PPP4R3B: variants seen among roughly 807,000 people sequenced by gnomAD.
PPP4R3B encodes serine/threonine-protein phosphatase 4 regulatory subunit 3B.
Under a neutral mutation model 95.4 loss-of-function variants are expected in PPP4R3B, and 52 were observed. That is an observed-to-expected ratio of 0.54 (90% confidence interval 0.44 to 0.69). The LOEUF is 0.69. Ranked by LOEUF, PPP4R3B falls within the 30% of genes least tolerant of loss-of-function variation. The pLI, the probability that PPP4R3B is intolerant of heterozygous loss-of-function variation, is 0.00. For synonymous variants in PPP4R3B, 407 were observed against 343.9 expected (o/e 1.18, Z -2.03); for missense variants, 1,003 against 1,005.9 (o/e 1.00, Z 0.04).
chr2:55,607,394 G>A (rs569094410), intron 2 of PPP4R3B, among the ~76,000 whole-genome samples: 2 of 152,170 alleles, frequency 1.3e-5, no homozygotes, highest in African/African-American at 2.4e-5. Flanking sequence ...CCAACCAAAC[G>A]GCTATAAATC....
chr2:55,566,491 T>C (rs1427629986), intron 13 of PPP4R3B, among the ~76,000 whole-genome samples: 1 of 152,186 alleles, frequency 6.6e-6, no homozygotes, highest in Non-Finnish European at 1.5e-5. Flanking sequence ...AGCAGTACAA[T>C]GGGAACTAGT....
At chr2:55,569,190 G>C (rs1687665310) in intron 12 of PPP4R3B, among the ~76,000 whole-genome samples, 1 of 152,160 alleles carries the variant, frequency 6.6e-6, no homozygotes, top group Admixed American at 6.5e-5. Flanking sequence ...AGGGCCACCA[G>C]AGGGCTCCTT....
chr2:55,579,518 C>A (rs62165199), intron 9 of PPP4R3B, among the ~76,000 whole-genome samples, 161 bp downstream of exon 9: 1 of 151,936 alleles, frequency 6.6e-6, no homozygotes, highest in Non-Finnish European at 1.5e-5. Context: ...ACTTCCATAA[C>A]CTTAAGAAAC....
rs1008485261 is a variant in PPP4R3B at position 55,579,664 on chromosome 2, A to G, written c.1468+15T>C. The G allele has an allele frequency of 6.6e-7, 1 of 1,514,638 alleles. No homozygotes were observed. The allele number at this position is 1,514,638 out of a possible 1,614,324, so 93.8% of individuals were successfully genotyped here. Reference sequence around the variant, plus strand: ...TAAAAACAGAAATCACAGCAGATAAATAAAGAGACCCTACCCTTTTCACAT... The same window carrying G: ...TAAAAACAGAAATCACAGCAGATAAGTAAAGAGACCCTACCCTTTTCACAT... On this transcript the variant is annotated intron_variant, in intron 9 of 16. Transcript: ENST00000616407.
At position 55,617,173 on chromosome 2, in the gene PPP4R3B, A is replaced by G. The variant is rs1412762668; in HGVS notation, c.113T>C (p.Met38Thr). ...SSTYVEELKG[M>T]SLLVRAESDG... is the part of the protein sequence containing the mutation. The stretch of plus-strand genomic sequence containing the variant: ...GGACTCTGCCCGAACCAGCAGCGAC[A>G]TCCCCTTGAGCTCCTCCACGTAAGT... Residue 38 changes from methionine (M) to threonine (T), a missense_variant, in exon 1 of 17, where the codon ATG becomes ACG. Transcript: ENST00000616407. 2 of 1,613,276 alleles carry G rather than the reference A, an allele frequency of 1.2e-6. No individual in the cohort carries two copies. The highest frequency in any genetic ancestry group is 1.3e-5 in the African/African-American group (1 of 74,858).
At chr2:55,561,685 C>A (rs1372413447) in intron 15 of PPP4R3B, among the ~76,000 whole-genome samples, 1 of 152,230 alleles carries the variant, frequency 6.6e-6, no homozygotes, top group Non-Finnish European at 1.5e-5. Context: ...TTAAAGACTG[C>A]CCTGCTGGGC....
intron 3 of PPP4R3B, among the ~76,000 whole-genome samples, chr2:55,601,725 G>C (rs754081208): frequency 2.6e-5 from 4 of 152,140 alleles, no homozygotes; most frequent in Non-Finnish European, 5.9e-5. Flanking sequence ...TAATGTGCTA[G>C]AATCTACCAA....
At chr2:55,594,813 A>G (rs2104405850) in intron 4 of PPP4R3B, among the ~76,000 whole-genome samples, 1 of 152,304 alleles carries the variant, frequency 6.6e-6, no homozygotes, top group East Asian at 1.9e-4. Context: ...AGAACCTGAT[A>G]TGTACATCTA....
chr2:55,588,911 C>T lies in PPP4R3B; in HGVS notation c.967G>A (p.Glu323Lys). Residue 323 changes from glutamate (E) to lysine (K), a missense_variant, in exon 5 of 17, where the codon GAG becomes AAG. By Grantham distance (56) the Glu-to-Lys change is moderately conservative (BLOSUM62 1). Coordinates refer to ENST00000616407, the MANE Select transcript of PPP4R3B (RefSeq NM_001122964.3). ...CGCCGTTTATCATCATCTGTAGCCT[C>T]ATCTGTTAATTGTGCAAAAACTTCA... Reference protein sequence around the residue: ...LSEVFAQLTDEATDDDKRREL... With the variant: ...LSEVFAQLTDKATDDDKRREL... 1.2e-6 allele frequency: 2 copies of T among 1,610,844 alleles called. No homozygotes were observed. Among genetic ancestry groups the T allele is most frequent in the Admixed American group, 1.7e-5 (1 of 59,874 alleles).
At chr2:55,559,017 T>C (rs747400701) in intron 15 of PPP4R3B, 49 bp from the exon 16 acceptor site, 96 of 1,423,006 alleles carry the variant, frequency 6.7e-5, no homozygotes, top group Non-Finnish European at 9.2e-5. Context: ...TACTGCTAAG[T>C]CAAAACATCT....
intron 2 of PPP4R3B, among the ~76,000 whole-genome samples, chr2:55,613,635 A>G (rs1318283933): frequency 2.0e-5 from 3 of 152,160 alleles, no homozygotes; most frequent in Non-Finnish European, 4.4e-5. Context: ...TATTTTAAAT[A>G]CAAACCTACT....
intron 11 of PPP4R3B, 111 bp from the exon 12 acceptor site, chr2:55,573,888 T>C (rs1242601864): frequency 2.6e-6 from 1 of 387,246 alleles, no homozygotes; most frequent in East Asian, 1.1e-4. Flanking sequence ...ATTTCCTCCT[T>C]TTTTTTTTTT....
rs1684855206 is a variant in PPP4R3B at position 55,547,533 on chromosome 2, GT to G, written c.*2377del. On this transcript the variant is annotated 3_prime_UTR_variant, in exon 17 of 17. Transcript: ENST00000616407. Reference sequence around the variant, plus strand: ...AAGCCTTGTTCTCTTATCGTCGTAGGTAAGCACTTGTACCATGAAAACCGTA... The same window carrying G: ...AAGCCTTGTTCTCTTATCGTCGTAGGAAGCACTTGTACCATGAAAACCGTA... The G allele has an allele frequency of 6.6e-6, 1 of 152,184 alleles. No homozygotes were observed. The highest frequency in any genetic ancestry group is 1.5e-5 in the Non-Finnish European group (1 of 68,048). The allele number at this position is 152,184 out of a possible 1,614,324, so 9.4% of individuals were successfully genotyped here. A position where few individuals can be genotyped will look rare whatever the true frequency, so the allele number is the denominator to read the frequency against.
At chr2:55,565,083 C>T (rs763501977) in intron 13 of PPP4R3B, 42 bp from the exon 14 acceptor site, 145 of 1,439,458 alleles carry the variant, frequency 1.0e-4, no homozygotes, top group Middle Eastern at 9.0e-4. Context: ...TAATACAATG[C>T]TTGTTAGAAG....
chr2:55,554,098 T>G (rs1685556073), intron 16 of PPP4R3B, among the ~76,000 whole-genome samples: 1 of 152,206 alleles, frequency 6.6e-6, no homozygotes, highest in Non-Finnish European at 1.5e-5. Context: ...TTTGAGACAT[T>G]GTCTTAGAGA....
chr2:55,579,519 C>A (rs1689149405), intron 9 of PPP4R3B, among the ~76,000 whole-genome samples, 160 bp downstream of exon 9: 1 of 152,032 alleles, frequency 6.6e-6, no homozygotes, highest in Non-Finnish European at 1.5e-5. Context: ...CTTCCATAAC[C>A]TTAAGAAACA....
chr2:55,568,974 T>C (rs1267141690), intron 12 of PPP4R3B, among the ~76,000 whole-genome samples: 1 of 152,146 alleles, frequency 6.6e-6, no homozygotes, highest in Non-Finnish European at 1.5e-5. Flanking sequence ...TCTAGTATAA[T>C]AAAATATATA....
chr2:55,561,472 C>T (rs571958313), intron 15 of PPP4R3B, among the ~76,000 whole-genome samples: 2 of 152,202 alleles, frequency 1.3e-5, no homozygotes, highest in Admixed American at 1.3e-4. Flanking sequence ...GACCCCAGAA[C>T]AGTAGATCTA....
At chr2:55,573,379 C>G (rs1688250011) in intron 12 of PPP4R3B, among the ~76,000 whole-genome samples, 1 of 152,108 alleles carries the variant, frequency 6.6e-6, no homozygotes, top group Non-Finnish European at 1.5e-5. Flanking sequence ...AAAATGCTGT[C>G]ACTGCACATG....
Sources: gnomAD v4.1 joint callset for allele counts (sites outside exome capture counted in the v4.1 genomes callset) on GRCh38, gnomAD v4.1.1 for gene constraint, MANE v1.5 for transcripts, NCBI Gene and HGNC (gene_info 2026-07-23, HGNC 2026-07-21) for gene names.